Variants in TM7SF3 observed in about 807,000 individuals in gnomAD.
TM7SF3 encodes the protein transmembrane 7 superfamily member 3, also known as seven span transmembrane protein.
In TM7SF3, 60 loss-of-function variants were observed where a neutral mutation model predicts 65.5. The observed-to-expected ratio is 0.92, with a 90% CI of 0.74 to 1.14. The LOEUF is 1.14. Ranked by LOEUF, TM7SF3 falls within the 50% of genes most tolerant of loss-of-function variation. The probability of loss-of-function intolerance (pLI) is 0.00; values close to 1 mark genes in which losing one functional copy is unlikely to be tolerated. For synonymous variants in TM7SF3, 264 were observed against 259.6 expected (o/e 1.02, Z -0.16); for missense variants, 623 against 684.8 (o/e 0.91, Z 1.01).
At chr12:26,999,781 T>TA in intron 2 of TM7SF3, 105 bp from the exon 3 acceptor site, 3 of 1,195,652 alleles carry the variant, frequency 2.5e-6, no homozygotes, top group African/African-American at 1.5e-5. Context: ...CCAAAACAAA[T>TA]AGAAAAAAAA....
chr12:26,987,219 T>TTA (rs1472206931), intron 6 of TM7SF3, among the ~76,000 whole-genome samples: 2 of 152,200 alleles, frequency 1.3e-5, no homozygotes, highest in Non-Finnish European at 2.9e-5. Flanking sequence ...AATTCCAGGC[T>TTA]TATATATATA....
chr12:26,995,445 G>C, intron 4 of TM7SF3, 37 bp from the exon 5 acceptor site: 2 of 1,609,666 alleles, frequency 1.2e-6, no homozygotes, highest in Non-Finnish European at 1.7e-6. Flanking sequence ...TCAGTCTCTT[G>C]TGGTGCAAGT....
chr12:26,997,182 G>A (rs1328580840), intron 3 of TM7SF3, among the ~76,000 whole-genome samples: 1 of 152,158 alleles, frequency 6.6e-6, no homozygotes, highest in Non-Finnish European at 1.5e-5. Context: ...CAGGCAATAC[G>A]TACAGGAAGA....
intron 9 of TM7SF3, chr12:26,978,327 C>G (rs1939660393): frequency 6.1e-6 from 1 of 164,856 alleles, no homozygotes; most frequent in Admixed American, 6.4e-5. Context: ...TTCCTCACAT[C>G]TATCCTATGA....
At chr12:26,989,031 T>C (rs1940226252) in intron 6 of TM7SF3, among the ~76,000 whole-genome samples, 1 of 152,226 alleles carries the variant, frequency 6.6e-6, no homozygotes, top group African/African-American at 2.4e-5. Context: ...TGTAAGACTA[T>C]AGTCTATGAT....
At chr12:26,974,551 C>T (rs898442294) in intron 11 of TM7SF3, among the ~76,000 whole-genome samples, 8 of 151,978 alleles carry the variant, frequency 5.3e-5, no homozygotes, top group African/African-American at 1.5e-4. Context: ...AGAGGGGGTT[C>T]GGGGAGGAAG....
At position 27,001,208 on chromosome 12, in the gene TM7SF3, G is replaced by A. The variant is rs549913913; in HGVS notation, c.247-1532C>T. The stretch of plus-strand genomic sequence containing the variant: ...ACTTCCTGAGCCATGTGCAGTTCTG[G>A]CCATCATCTTCTAAGTAATATAACA... On this transcript the variant is annotated intron_variant, in intron 2 of 11. Transcript: ENST00000343028. 2.0e-5 allele frequency among the ~76,000 whole-genome samples: 3 copies of A among 152,212 alleles called. No homozygotes were observed. In the South Asian group the frequency reaches 6.2e-4, roughly 32 times the overall value.
intron 5 of TM7SF3, 68 bp downstream of exon 5, chr12:26,995,169 T>G (rs1015646768): frequency 3.4e-6 from 5 of 1,473,642 alleles, no homozygotes; most frequent in African/African-American, 1.4e-5. Flanking sequence ...TCCTGGTAGC[T>G]TCTCCCCTTC....
rs1941045098 is a variant in TM7SF3, at chr12:27,006,550, A to G, written c.92-3160T>C. Among the ~76,000 whole-genome samples the G allele has an allele frequency of 3.9e-5, 6 of 152,238 alleles. No homozygotes were observed. The South Asian group carries it at 1.0e-3, about 26-fold the overall frequency. On this transcript the variant is annotated intron_variant, in intron 1 of 11. Transcript: ENST00000343028. Reference sequence around the variant, plus strand: ...TGTTTTGCTTTCCCTTAAAATGGTAATATTTTTCTAGAAAATATATAATCC... The same window carrying G: ...TGTTTTGCTTTCCCTTAAAATGGTAGTATTTTTCTAGAAAATATATAATCC...
intron 1 of TM7SF3, among the ~76,000 whole-genome samples, chr12:27,006,940 C>G (rs1004857429): frequency 7.9e-5 from 12 of 152,174 alleles, no homozygotes; most frequent in Admixed American, 3.3e-4. Context: ...TTGTGGAAGA[C>G]TATTCCAGAA....
At chr12:26,998,994 A>C (rs949792699) in intron 3 of TM7SF3, among the ~76,000 whole-genome samples, 12 of 152,216 alleles carry the variant, frequency 7.9e-5, no homozygotes, top group African/African-American at 2.4e-4. Flanking sequence ...TGCCTTAACT[A>C]TTACTGCTTC....
intron 5 of TM7SF3, among the ~76,000 whole-genome samples, 199 bp downstream of exon 5, chr12:26,995,038 C>T (rs1190891014): frequency 6.6e-6 from 1 of 152,190 alleles, no homozygotes; most frequent in East Asian, 1.9e-4. Context: ...ACATAATTTA[C>T]ATGCATCTCC....
rs1939408577 is a variant in TM7SF3 at position 26,972,662 on chromosome 12, C to T, written c.*1303G>A. ...AGTAGAGACCACTATGTTGGCCAGG[C>T]TGGTCTCGAACTCCTGACCCCAGGT... On this transcript the variant is annotated 3_prime_UTR_variant, in exon 12 of 12. Coordinates refer to ENST00000343028, the MANE Select transcript of TM7SF3 (RefSeq NM_016551.3). The T allele has an allele frequency of 6.6e-6, 1 of 152,040 alleles. No individual in the cohort carries two copies. Among genetic ancestry groups the T allele is most frequent in the African/African-American group, 2.4e-5 (1 of 41,354 alleles). The allele number at this position is 152,040 out of a possible 1,614,324, so 9.4% of individuals were successfully genotyped here.
chr12:26,978,925 T>C (rs1387826774), intron 9 of TM7SF3: 1 of 152,068 alleles, frequency 6.6e-6, no homozygotes. Flanking sequence ...GAGCCTTGAA[T>C]CTGTATTTCA....
At chr12:26,983,039 C>G (rs1442818961) in intron 6 of TM7SF3, among the ~76,000 whole-genome samples, 180 bp from the exon 7 acceptor site, 1 of 152,018 alleles carries the variant, frequency 6.6e-6, no homozygotes, top group Non-Finnish European at 1.5e-5. Context: ...CCTATGTAGA[C>G]AATCAATATC....
chr12:26,980,551 A>G lies in TM7SF3; in HGVS notation c.1036+15T>C, dbSNP rs767064983. ...CTTCTTGAATACCCAGTTAAACTAT[A>G]TAATTTTCACTTACCATCATACTTG... On this transcript the variant is annotated intron_variant, in intron 8 of 11. Coordinates refer to ENST00000343028, the MANE Select transcript of TM7SF3 (RefSeq NM_016551.3). The G allele has an allele frequency of 1.2e-5, 15 of 1,300,524 alleles. No homozygotes were observed. Among genetic ancestry groups the G allele is most frequent in the Non-Finnish European group, 1.7e-5 (15 of 901,586 alleles). The allele number at this position is 1,300,524 out of a possible 1,614,324, so 80.6% of individuals were successfully genotyped here.
chr12:27,012,408 T>C (rs1191793104), intron 1 of TM7SF3, among the ~76,000 whole-genome samples: 5 of 152,220 alleles, frequency 3.3e-5, no homozygotes, highest in Non-Finnish European at 7.3e-5. Flanking sequence ...GCCTCAGTCC[T>C]ATATACAAAG....
intron 6 of TM7SF3, among the ~76,000 whole-genome samples, chr12:26,983,998 T>C (rs1939931211): frequency 6.6e-6 from 1 of 151,986 alleles, no homozygotes; most frequent in Non-Finnish European, 1.5e-5. Context: ...TCAAAATACA[T>C]AAAATGCCTA....
intron 6 of TM7SF3, 71 bp downstream of exon 6, chr12:26,990,379 T>C: frequency 3.4e-6 from 4 of 1,162,586 alleles, no homozygotes; most frequent in Middle Eastern, 2.0e-4. Flanking sequence ...GTTGAATGAA[T>C]GAGAACTAGA....
Sources: gnomAD v4.1 joint callset for allele counts (sites outside exome capture counted in the v4.1 genomes callset) on GRCh38, gnomAD v4.1.1 for gene constraint, MANE v1.5 for transcripts, NCBI Gene and HGNC (gene_info 2026-07-23, HGNC 2026-07-21) for gene names.